The following IL2RA variants were observed in gnomAD, a reference collection of about 807,000 sequenced individuals.
The protein encoded by IL2RA is interleukin 2 receptor subunit alpha, also known as interleukin-2 receptor subunit alpha.
A neutral mutation model predicts 37.8 loss-of-function variants in IL2RA; 24 were observed. That is an observed-to-expected ratio of 0.63 (90% CI 0.46 to 0.89). The LOEUF (loss-of-function observed/expected upper bound fraction) is 0.89. Ranked by LOEUF, IL2RA falls within the 40% of genes least tolerant of loss-of-function variation. IL2RA has a pLI of 0.00. For synonymous variants in IL2RA, 125 were observed against 114.6 expected, an observed-to-expected ratio of 1.09 and a Z score of -0.58; for missense variants, 319 against 348.6, an observed-to-expected ratio of 0.92 and a Z score of 0.68.
rs1840044460 is a variant in IL2RA, at chr10:6,056,328, T to A, written c.64+5760A>T. 1.3e-5 allele frequency among the ~76,000 whole-genome samples: 2 copies of A among 152,236 alleles called. No individual in the cohort carries two copies. Among genetic ancestry groups the A allele is most frequent in the African/African-American group, 4.8e-5 (2 of 41,474 alleles). On this transcript the variant is annotated intron_variant, in intron 1 of 7. Coordinates refer to ENST00000379959, the MANE Select transcript of IL2RA (RefSeq NM_000417.3). This position sits in a 1 kb window ranked among gnomAD's most constrained non-coding sequence, Gnocchi z 5.0. ...ATGAAGGAATATCACTGAGAATTCA[T>A]GTAAAGATGTGCAGATGTGCAGGGA...
Position 6,029,059 on chromosome 10 carries a change from G to C in IL2RA, c.65-3034C>G, listed in dbSNP as rs113815153. On this transcript the variant is annotated intron_variant, in intron 1 of 7. Transcript: ENST00000379959. The surrounding 1 kb of genome is among the most constrained non-coding windows in gnomAD (Gnocchi z 4.6). ...ATTAGCACAAAAGGAATTTAAAACA[G>C]TTGTAATTACACTCAATGACTTAAA... Among the ~76,000 whole-genome samples the C allele has an allele frequency of 0.02, 3,036 of 151,324 alleles. 104 individuals carry two copies. The highest frequency in any genetic ancestry group is 0.07 in the African/African-American group (2,865 of 41,204).
At chr10:6,023,968 T>A (rs1459824715) in intron 3 of IL2RA, among the ~76,000 whole-genome samples, 1 of 152,212 alleles carries the variant, frequency 6.6e-6, no homozygotes, top group Non-Finnish European at 1.5e-5. Flanking sequence ...TTAAGTTGAG[T>A]TGAATTTGGG....
chr10:6,024,180 TC>T, intron 3 of IL2RA, 63 bp downstream of exon 3: 1 of 1,067,728 alleles, frequency 9.4e-7, no homozygotes, highest in Non-Finnish European at 1.5e-6. Flanking sequence ...TGGGTACACA[TC>T]ATCTGCCTGC....
At position 6,014,578 on chromosome 10, in the gene IL2RA, G is replaced by A. The variant is rs1839246746; in HGVS notation, c.795-1682C>T. ...GCTTTTGATCTTCAAACTAACAAATGAAAAAAATCCTTGCAAGGTGTTAAG... is the reference window on the plus strand; with the variant it reads ...GCTTTTGATCTTCAAACTAACAAATAAAAAAAATCCTTGCAAGGTGTTAAG... On this transcript the variant is annotated intron_variant, in intron 7 of 7. Coordinates refer to ENST00000379959, the MANE Select transcript of IL2RA (RefSeq NM_000417.3). This position sits in a 1 kb window ranked among gnomAD's most constrained non-coding sequence, Gnocchi z 4.4. Among the ~76,000 whole-genome samples, 1 of 152,078 alleles carries A rather than the reference G, an allele frequency of 6.6e-6. No individual in the cohort carries two copies.
intron 5 of IL2RA, 77 bp from the exon 6 acceptor site, chr10:6,019,576 G>A: frequency 9.0e-7 from 1 of 1,114,850 alleles, no homozygotes; most frequent in Middle Eastern, 2.0e-4. Context: ...AAGTCAGGGT[G>A]TCTCTGTGAA....
intron 6 of IL2RA, among the ~76,000 whole-genome samples, chr10:6,019,107 C>G (rs1839331549): frequency 6.6e-6 from 1 of 152,046 alleles, no homozygotes; most frequent in African/African-American, 2.4e-5. Context: ...AACCCACCAA[C>G]CAACCTATCA....
At chr10:6,019,581 T>C in intron 5 of IL2RA, 82 bp from the exon 6 acceptor site, 2 of 1,057,778 alleles carry the variant, frequency 1.9e-6, no homozygotes, top group Non-Finnish European at 3.0e-6. Flanking sequence ...AGGGTGTCTC[T>C]GTGAATGAGA....
In IL2RA at chr10:6,020,209, C is replaced by T. The variant is rs1187584454; in HGVS notation, c.584-268G>A. ...CTCTGAGCAATGCTTTCTCCCCAGC[C>T]TCCCTCCCCAGTCCTGGTTTCCATC... On this transcript the variant is annotated intron_variant, in intron 4 of 7. Coordinates refer to ENST00000379959, the MANE Select transcript of IL2RA (RefSeq NM_000417.3). This position sits in a 1 kb window ranked among gnomAD's most constrained non-coding sequence, Gnocchi z 5.6. Among the ~76,000 whole-genome samples, 26 of 152,198 alleles carry T rather than the reference C, an allele frequency of 1.7e-4. No homozygotes were observed. Among genetic ancestry groups the T allele is most frequent in the Admixed American group, 1.7e-3 (26 of 15,278 alleles).
Position 6,046,748 on chromosome 10 carries a change from T to G in IL2RA, c.64+15340A>C, listed in dbSNP as rs1258645001. Among the ~76,000 whole-genome samples the G allele has an allele frequency of 6.6e-6, 1 of 152,200 alleles. No homozygotes were observed. Among genetic ancestry groups the G allele is most frequent in the Non-Finnish European group, 1.5e-5 (1 of 68,036 alleles). On this transcript the variant is annotated intron_variant, in intron 1 of 7. Coordinates refer to ENST00000379959, the MANE Select transcript of IL2RA (RefSeq NM_000417.3). This position sits in a 1 kb window ranked among gnomAD's most constrained non-coding sequence, Gnocchi z 4.8. ...TCCCTGCCTTAACACAAATTCTTAGTCAACACACAACATTTGATCTCTGAT... is the reference window on the plus strand; with the variant it reads ...TCCCTGCCTTAACACAAATTCTTAGGCAACACACAACATTTGATCTCTGAT...
chr10:6,019,724 G>A (rs1483021381), intron 5 of IL2RA, 146 bp downstream of exon 5: 1 of 849,122 alleles, frequency 1.2e-6, no homozygotes, highest in African/African-American at 1.7e-5. Flanking sequence ...GGTTGCTGAG[G>A]CCCTGTCCCT....
chr10:6,027,286 A>G (rs1839500209), intron 1 of IL2RA, among the ~76,000 whole-genome samples: 1 of 152,076 alleles, frequency 6.6e-6, no homozygotes, highest in South Asian at 2.1e-4. Context: ...AGATCACGCC[A>G]CTGCACTCCA....
In IL2RA at chr10:6,042,148, CA is replaced by C. The variant is rs57093239; in HGVS notation, c.65-16124del. Among the ~76,000 whole-genome samples, 52 of 54,132 alleles carry C rather than the reference CA, an allele frequency of 9.6e-4. 1 individual carries two copies. Among genetic ancestry groups the C allele is most frequent in the East Asian group, 4.2e-3 (5 of 1,192 alleles). The allele number at this position is 54,132 out of a possible 152,430, so 35.5% of individuals were successfully genotyped here. On this transcript the variant is annotated intron_variant, in intron 1 of 7. Coordinates refer to ENST00000379959, the MANE Select transcript of IL2RA (RefSeq NM_000417.3). ...CACCTGATGCTAGCAATGTATTAAG[CA>C]AAAAAAAAAAAAAAAAAAATTCTGA...
intron 3 of IL2RA, 121 bp downstream of exon 3, chr10:6,024,123 G>A (rs1394578737): frequency 2.7e-6 from 2 of 730,536 alleles, no homozygotes; most frequent in Non-Finnish European, 5.0e-6. Flanking sequence ...TGGGAGGACG[G>A]AGCCACATGC....
In IL2RA at chr10:6,012,959, C is replaced by T; in HGVS notation, c.795-63G>A. On this transcript the variant is annotated intron_variant, in intron 7 of 7. Coordinates refer to ENST00000379959, the MANE Select transcript of IL2RA (RefSeq NM_000417.3). This position sits in a 1 kb window ranked among gnomAD's most constrained non-coding sequence, Gnocchi z 4.8. ...CACGGCACCAAAAAAATGTGGTCCT[C>T]ACTCTAAACCAGTGCACACGCCACC... 6.6e-7 allele frequency: 1 copy of T among 1,510,294 alleles called. No homozygotes were observed. Among genetic ancestry groups the T allele is most frequent in the South Asian group, 1.1e-5 (1 of 89,004 alleles). The allele number at this position is 1,510,294 out of a possible 1,614,324, so 93.6% of individuals were successfully genotyped here. A position where few individuals can be genotyped will look rare whatever the true frequency, so the allele number is the denominator to read the frequency against.
In IL2RA at chr10:6,044,248, C is replaced by T. The variant is rs12722510; in HGVS notation, c.64+17840G>A. ...TCTTGGCTTTGCCCAGGAAGGAATT[C>T]AGGGGCAAGCCAGTGGTAGAATAAA... On this transcript the variant is annotated intron_variant, in intron 1 of 7. Transcript: ENST00000379959. This position sits in a 1 kb window ranked among gnomAD's most constrained non-coding sequence, Gnocchi z 4.5. 0.029 allele frequency among the ~76,000 whole-genome samples: 4,389 copies of T among 152,328 alleles called. 92 individuals are homozygous for T. Among genetic ancestry groups the T allele is most frequent in the Middle Eastern group, 0.082 (24 of 294 alleles).
Position 6,014,094 on chromosome 10 carries a change from C to T in IL2RA, c.795-1198G>A, listed in dbSNP as rs1312822825. Among the ~76,000 whole-genome samples, 4 of 152,174 alleles carry T rather than the reference C, an allele frequency of 2.6e-5. No individual in the cohort carries two copies. Among genetic ancestry groups the T allele is most frequent in the African/African-American group, 9.7e-5 (4 of 41,444 alleles). The stretch of plus-strand genomic sequence containing the variant: ...TTAGTCTCCCGAAGTGCAGGAATTA[C>T]AGGCAGGAGCTACTGCTCCCAGCCT... On this transcript the variant is annotated intron_variant, in intron 7 of 7. Coordinates refer to ENST00000379959, the MANE Select transcript of IL2RA (RefSeq NM_000417.3). This position sits in a 1 kb window ranked among gnomAD's most constrained non-coding sequence, Gnocchi z 4.4.
chr10:6,026,057 A>G lies in IL2RA; in HGVS notation c.65-32T>C, dbSNP rs769652463. 2.5e-6 allele frequency: 4 copies of G among 1,605,438 alleles called. No individual in the cohort carries two copies. The Admixed American group carries it at 6.7e-5, about 27-fold the overall frequency. ...AGCAAAAGAAGCCTATTAGGAACTC[A>G]AGAGGCCCCAGGCAAGTACTCACAT... On this transcript the variant is annotated intron_variant, in intron 1 of 7. Transcript: ENST00000379959.
intron 5 of IL2RA, among the ~76,000 whole-genome samples, 159 bp from the exon 6 acceptor site, chr10:6,019,658 C>T (rs943361551): frequency 1.3e-5 from 2 of 152,172 alleles, no homozygotes; most frequent in South Asian, 2.1e-4. Flanking sequence ...GCCTGGGGAC[C>T]GTGCTTGGTC....
rs1840021352 is a variant in IL2RA at position 6,054,944 on chromosome 10, G to A, written c.64+7144C>T. Among the ~76,000 whole-genome samples the A allele has an allele frequency of 6.6e-6, 1 of 152,064 alleles. No homozygotes were observed. The highest frequency in any genetic ancestry group is 1.5e-5 in the Non-Finnish European group (1 of 68,016). ...ACTCCTGGGCTCATGGGATCCTCCT[G>A]CCTTGGCCTCCCAAAGTGCAGGTAT... On this transcript the variant is annotated intron_variant, in intron 1 of 7. Coordinates refer to ENST00000379959, the MANE Select transcript of IL2RA (RefSeq NM_000417.3). This position sits in a 1 kb window ranked among gnomAD's most constrained non-coding sequence, Gnocchi z 4.5.
Sources: gnomAD v4.1 joint callset for allele counts (sites outside exome capture counted in the v4.1 genomes callset) on GRCh38, gnomAD v4.1.1 for gene constraint, Gnocchi (gnomAD v3.1) non-coding constraint, MANE v1.5 for transcripts, NCBI Gene and HGNC (gene_info 2026-07-23, HGNC 2026-07-21) for gene names.